NXPE2: variants seen among roughly 807,000 people sequenced by gnomAD.
The protein encoded by NXPE2 is NXPE family member 2.
In NXPE2, 34 loss-of-function variants were observed where a neutral mutation model predicts 34.4. That is an observed-to-expected ratio of 0.99 (90% confidence interval 0.75 to 1.31). The LOEUF is 1.31. Ranked by LOEUF, NXPE2 falls within the 40% of genes most tolerant of loss-of-function variation. The pLI, the probability that NXPE2 is intolerant of heterozygous loss-of-function variation, is 0.00. For missense variants in NXPE2, 649 were observed against 672.5 expected, an observed-to-expected ratio of 0.97 and a Z score of 0.39; for synonymous variants, 235 against 231.3, an observed-to-expected ratio of 1.02 and a Z score of -0.15.
the NXPE2 span, among the ~76,000 whole-genome samples, chr11:114,744,260 C>A: frequency 6.6e-6 from 1 of 152,066 alleles, no homozygotes. Context: ...TTGGCCAAAA[C>A]GTCTGTTACT....
At chr11:114,736,628 C>T in the NXPE2 span, among the ~76,000 whole-genome samples, 4 of 152,004 alleles carry the variant, frequency 2.6e-5, no homozygotes, top group Middle Eastern at 3.2e-3. Flanking sequence ...ATCACAGGGT[C>T]CTGAGGTGAC....
chr11:114,665,209 T>G, the NXPE2 span, among the ~76,000 whole-genome samples: 2 of 152,158 alleles, frequency 1.3e-5, no homozygotes, highest in Non-Finnish European at 2.9e-5. Context: ...GTAATATCTA[T>G]TTAAGATAAA....
the NXPE2 span, among the ~76,000 whole-genome samples, chr11:114,746,467 G>A: frequency 2.0e-5 from 3 of 152,298 alleles, no homozygotes; most frequent in East Asian, 3.9e-4. Flanking sequence ...CCAGAGGTGC[G>A]TGAGAAAACA....
At chr11:114,761,866 G>A in the NXPE2 span, among the ~76,000 whole-genome samples, 5 of 152,032 alleles carry the variant, frequency 3.3e-5, no homozygotes, top group Admixed American at 1.3e-4. Flanking sequence ...GAGCCACCGC[G>A]CCCGGCCGCC....
At chr11:114,712,617 C>G in the NXPE2 span, among the ~76,000 whole-genome samples, 4 of 152,168 alleles carry the variant, frequency 2.6e-5, no homozygotes, top group African/African-American at 7.2e-5. Context: ...CACAAAACAG[C>G]AAGTGTTTGT....
At chr11:114,606,970 T>C in the NXPE2 span, among the ~76,000 whole-genome samples, 5 of 149,710 alleles carry the variant, frequency 3.3e-5, no homozygotes, top group African/African-American at 7.4e-5. Flanking sequence ...AGTGTTGCCT[T>C]GTGGGTAACC....
At chr11:114,722,174 A>C in the NXPE2 span, among the ~76,000 whole-genome samples, 1 of 152,148 alleles carries the variant, frequency 6.6e-6, no homozygotes, top group South Asian at 2.1e-4. Flanking sequence ...TGTAATCCCC[A>C]CATATCAAGG....
the NXPE2 span, among the ~76,000 whole-genome samples, chr11:114,750,299 A>G: frequency 6.6e-6 from 1 of 152,238 alleles, no homozygotes; most frequent in African/African-American, 2.4e-5. Context: ...CTCTTGCTCC[A>G]GGCTGTCACA....
chr11:114,783,784 T>C, the NXPE2 span, among the ~76,000 whole-genome samples: 24,125 of 152,112 alleles, frequency 0.16, 1,968 homozygotes, highest in Admixed American at 0.21. Flanking sequence ...GCACATGGAG[T>C]ATTTGGTTAG....
At chr11:114,661,528 T>G in the NXPE2 span, among the ~76,000 whole-genome samples, 303 of 152,328 alleles carry the variant, frequency 2.0e-3, no homozygotes, top group African/African-American at 7.0e-3. Context: ...TCAAAAGTAC[T>G]CTCCTCTGAG....
the NXPE2 span, among the ~76,000 whole-genome samples, chr11:114,740,496 T>C: frequency 6.6e-6 from 1 of 152,184 alleles, no homozygotes; most frequent in Non-Finnish European, 1.5e-5. Flanking sequence ...GTGGGATTGT[T>C]GGGTCATATT....
chr11:114,654,911 G>T, the NXPE2 span, among the ~76,000 whole-genome samples: 2 of 152,162 alleles, frequency 1.3e-5, no homozygotes, highest in African/African-American at 2.4e-5. Context: ...CTTCCACAAT[G>T]ATTGAACTAA....
chr11:114,530,739 G>C, the NXPE2 span: 3 of 1,614,214 alleles, frequency 1.9e-6, no homozygotes, highest in Non-Finnish European at 2.5e-6. Flanking sequence ...GTTCACATGG[G>C]TGAAAGGTCT....
At chr11:114,693,592 AC>A (rs1951193008) in intron 2 of NXPE2, among the ~76,000 whole-genome samples, 2 of 152,212 alleles carry the variant, frequency 1.3e-5, no homozygotes, top group South Asian at 4.1e-4. Flanking sequence ...GTGGGTTGAA[AC>A]TTGCAGCCTT....
chr11:114,529,848 T>G, the NXPE2 span: 1 of 255,294 alleles, frequency 3.9e-6, no homozygotes, highest in Non-Finnish European at 7.5e-6. Context: ...GCAAAGATAT[T>G]TAAGGGGCAA....
the NXPE2 span, among the ~76,000 whole-genome samples, chr11:114,488,227 T>C: frequency 1.4e-4 from 22 of 152,182 alleles, no homozygotes; most frequent in Non-Finnish European, 2.9e-4. Context: ...GACTTAATAT[T>C]GGGAGGTTTT....
the NXPE2 span, among the ~76,000 whole-genome samples, chr11:114,614,219 G>C: frequency 6.6e-6 from 1 of 151,932 alleles, no homozygotes. Context: ...TGGATAATAA[G>C]TGTTGCCTCG....
the NXPE2 span, among the ~76,000 whole-genome samples, chr11:114,720,049 T>G: frequency 5.7e-4 from 87 of 152,332 alleles, no homozygotes; most frequent in Non-Finnish European, 1.0e-3. Flanking sequence ...GATCAAGTCT[T>G]GGTTCTTTTC....
At chr11:114,478,227 A>T in the NXPE2 span, among the ~76,000 whole-genome samples, 3 of 152,030 alleles carry the variant, frequency 2.0e-5, no homozygotes, top group Non-Finnish European at 4.4e-5. Context: ...TGTGACGGGG[A>T]GGTAGTTACA....
Sources: allele counts gnomAD v4.1 joint callset (sites outside exome capture counted in the v4.1 genomes callset), GRCh38; gene constraint gnomAD v4.1.1; transcripts MANE v1.5; gene names NCBI Gene and HGNC (gene_info 2026-07-23, HGNC 2026-07-21).